Variants in TAFA4 observed in about 807,000 individuals in gnomAD.
TAFA4 encodes the protein TAFA chemokine like family member 4, also known as chemokine-like protein TAFA-4.
Under a neutral mutation model 21.1 loss-of-function variants are expected in TAFA4, and 20 were observed. The ratio of observed to expected loss-of-function variants is 0.95; its 90% CI spans 0.67 to 1.38. TAFA4 has a LOEUF of 1.38. TAFA4 is among the 40% of genes most tolerant of loss of function. The probability of loss-of-function intolerance (pLI) is 0.00; values close to 1 mark genes in which losing one functional copy is unlikely to be tolerated. For synonymous variants in TAFA4, 71 were observed against 67.4 expected, an observed-to-expected ratio of 1.05 and a Z score of -0.26; for missense variants, 211 against 180.9, an observed-to-expected ratio of 1.17 and a Z score of -0.95.
intron 3 of TAFA4, among the ~76,000 whole-genome samples, chr3:68,771,516 G>T (rs1033096260): frequency 6.6e-6 from 1 of 152,112 alleles, no homozygotes; most frequent in Non-Finnish European, 1.5e-5. Context: ...CTGCGAGGGG[G>T]ATAAGGGAAC....
intron 3 of TAFA4, among the ~76,000 whole-genome samples, chr3:68,825,284 C>A (rs776533418): frequency 4.6e-5 from 7 of 152,302 alleles, no homozygotes; most frequent in Admixed American, 2.0e-4. Context: ...GCTCCATCCA[C>A]ATCCCTGCAA....
intron 1 of TAFA4, among the ~76,000 whole-genome samples, chr3:68,922,925 G>A (rs1192024695): frequency 2.0e-5 from 3 of 152,190 alleles, no homozygotes; most frequent in Non-Finnish European, 2.9e-5. Flanking sequence ...TGCTAGGCCA[G>A]TATCAATGGC....
rs576029934 is a variant in TAFA4, at chr3:68,895,608, G to A, written c.-122-10298C>T. 4.6e-5 allele frequency among the ~76,000 whole-genome samples: 7 copies of A among 152,298 alleles called. No homozygotes were observed. In the South Asian group the frequency reaches 1.5e-3, roughly 32 times the overall value. On this transcript the variant is annotated intron_variant, in intron 1 of 5. Transcript: ENST00000295569. ...ACAGTGGGTAGGGGGAATTAGCTAT[G>A]CACAGGGAACTTAGACAGAAGAGCT...
chr3:68,756,043 C>T (rs748386713), intron 3 of TAFA4, among the ~76,000 whole-genome samples: 3 of 152,176 alleles, frequency 2.0e-5, no homozygotes, highest in Admixed American at 6.5e-5. Flanking sequence ...CAGCCAACAG[C>T]ATAACTACAC....
intron 3 of TAFA4, among the ~76,000 whole-genome samples, chr3:68,876,768 A>G (rs2089554098): frequency 6.6e-6 from 1 of 152,178 alleles, no homozygotes; most frequent in Non-Finnish European, 1.5e-5. Flanking sequence ...AAATTTCCAT[A>G]AATTTGAACA....
intron 1 of TAFA4, among the ~76,000 whole-genome samples, chr3:68,927,555 T>C (rs746564450): frequency 6.6e-6 from 1 of 152,236 alleles, no homozygotes; most frequent in African/African-American, 2.4e-5. Flanking sequence ...TGTACTGCCA[T>C]ATTTTTATCT....
intron 3 of TAFA4, among the ~76,000 whole-genome samples, chr3:68,862,616 G>T (rs1248518416): frequency 2.0e-5 from 3 of 151,984 alleles, no homozygotes; most frequent in Non-Finnish European, 4.4e-5. Flanking sequence ...ATAGTGATGT[G>T]CACCACTCTA....
intron 4 of TAFA4, among the ~76,000 whole-genome samples, chr3:68,749,513 G>T (rs1163575670): frequency 6.6e-6 from 1 of 152,192 alleles, no homozygotes; most frequent in Admixed American, 6.5e-5. Context: ...ATGGGATAAA[G>T]ATTAAGCAGG....
chr3:68,861,825 G>A lies in TAFA4; in HGVS notation c.130+18905C>T, dbSNP rs116366724. Among the ~76,000 whole-genome samples the A allele has an allele frequency of 1.0e-2, 1,514 of 152,108 alleles. 19 individuals are homozygous for A. The highest frequency in any genetic ancestry group is 0.035 in the African/African-American group (1,459 of 41,512). ...TGTGACCCGTCATTGGATTCTCACTGGCTGGAAATGCACACTGAGAAGACG... is the reference window on the plus strand; with the variant it reads ...TGTGACCCGTCATTGGATTCTCACTAGCTGGAAATGCACACTGAGAAGACG... On this transcript the variant is annotated intron_variant, in intron 3 of 5. Transcript: ENST00000295569.
chr3:68,855,687 C>T (rs1007044607), intron 3 of TAFA4, among the ~76,000 whole-genome samples: 6 of 151,928 alleles, frequency 3.9e-5, no homozygotes, highest in Non-Finnish European at 5.9e-5. Flanking sequence ...TATGTATATA[C>T]GTGTATATAA....
At chr3:68,799,994 C>T (rs1019893213) in intron 3 of TAFA4, among the ~76,000 whole-genome samples, 16 of 152,024 alleles carry the variant, frequency 1.1e-4, no homozygotes. Context: ...GGTTGCCGCT[C>T]CTTATGAGAA....
chr3:68,845,470 C>A (rs564992622), intron 3 of TAFA4, among the ~76,000 whole-genome samples: 39 of 152,256 alleles, frequency 2.6e-4, no homozygotes, highest in African/African-American at 8.9e-4. Flanking sequence ...GACTCTTTAT[C>A]CAATTTGCCA....
chr3:68,854,305 C>T (rs1190214003), intron 3 of TAFA4, among the ~76,000 whole-genome samples: 8 of 151,938 alleles, frequency 5.3e-5, no homozygotes, highest in Middle Eastern at 3.2e-3. Context: ...GAATGGCAGA[C>T]GACATCAGGG....
intron 5 of TAFA4, among the ~76,000 whole-genome samples, chr3:68,737,006 C>A (rs1224500382): frequency 6.6e-6 from 1 of 152,138 alleles, no homozygotes. Context: ...CAGCACAGAG[C>A]CAAAATGCCC....
chr3:68,856,598 C>G (rs1340229011), intron 3 of TAFA4, among the ~76,000 whole-genome samples: 1 of 152,078 alleles, frequency 6.6e-6, no homozygotes, highest in Non-Finnish European at 1.5e-5. Context: ...TTTAAATTAG[C>G]TCCATAATAG....
At chr3:68,776,317 G>A (rs529454098) in intron 3 of TAFA4, among the ~76,000 whole-genome samples, 1 of 152,126 alleles carries the variant, frequency 6.6e-6, no homozygotes, top group South Asian at 2.1e-4. Context: ...GTAAATGGAT[G>A]AAAGAAAGAT....
intron 3 of TAFA4, among the ~76,000 whole-genome samples, chr3:68,828,237 T>A (rs2106874165): frequency 6.6e-6 from 1 of 152,326 alleles, no homozygotes; most frequent in Middle Eastern, 3.4e-3. Context: ...TTGGTCTATA[T>A]CTCTGTTTTG....
At chr3:68,886,017 A>G (rs140403636) in intron 1 of TAFA4, among the ~76,000 whole-genome samples, 1 of 152,244 alleles carries the variant, frequency 6.6e-6, no homozygotes, top group African/African-American at 2.4e-5. Context: ...CCATTTGTAA[A>G]GATGCTAAGT....
At chr3:68,884,386 T>C (rs577619715) in intron 2 of TAFA4, among the ~76,000 whole-genome samples, 1 of 152,210 alleles carries the variant, frequency 6.6e-6, no homozygotes, top group African/African-American at 2.4e-5. Flanking sequence ...CTCTCCACCA[T>C]GGCTCCAGTT....
Sources: gnomAD v4.1 joint callset for allele counts (sites outside exome capture counted in the v4.1 genomes callset) on GRCh38, gnomAD v4.1.1 for gene constraint, MANE v1.5 for transcripts, NCBI Gene and HGNC (gene_info 2026-07-23, HGNC 2026-07-21) for gene names.